Variants in PCDHGA1 observed in about 807,000 individuals in gnomAD.
PCDHGA1 encodes protocadherin gamma subfamily A, 1, also known as protocadherin gamma-A1.
A neutral mutation model predicts 58.0 loss-of-function variants in PCDHGA1; 32 were observed. That is an observed-to-expected ratio of 0.55 (90% CI 0.42 to 0.74). The LOEUF is 0.74. PCDHGA1 is among the 30% of genes least tolerant of loss of function. PCDHGA1 has a pLI of 0.00. For synonymous variants in PCDHGA1, 498 were observed against 501.1 expected (o/e 0.99, Z 0.08); for missense variants, 1,205 against 1,182.3 (o/e 1.02, Z -0.28).
rs768079276 is a variant in PCDHGA1, at chr5:141,490,997, G to A, written c.2422-3810G>A. On this transcript the variant is annotated intron_variant, in intron 1 of 3. Transcript: ENST00000517417. The surrounding 1 kb of genome is among the most constrained non-coding windows in gnomAD (Gnocchi z 5.4). ...CGTCTCCCTCGCTCTGCTCCTCCTG[G>A]CTCCTTGGTCACCAAGGTGACAGCC... 1.2e-6 allele frequency: 2 copies of A among 1,614,032 alleles called. No individual in the cohort carries two copies. Among genetic ancestry groups the A allele is most frequent in the Admixed American group, 1.7e-5 (1 of 60,030 alleles).
At chr5:141,333,192 GTTC>G (rs1232697346) in intron 1 of PCDHGA1, 87 bp downstream of exon 1, 1 of 1,582,332 alleles carries the variant, frequency 6.3e-7, no homozygotes. Flanking sequence ...GCTACAGATA[GTTC>G]TTCTAACCCA....
intron 1 of PCDHGA1, among the ~76,000 whole-genome samples, chr5:141,354,322 A>G (rs184699668): frequency 1.9e-4 from 29 of 152,340 alleles, no homozygotes; most frequent in African/African-American, 6.5e-4. Context: ...TTACTACTCT[A>G]TGAAAGGTAT....
intron 1 of PCDHGA1, among the ~76,000 whole-genome samples, chr5:141,387,227 A>C (rs1220813655): frequency 1.3e-5 from 2 of 152,230 alleles, no homozygotes; most frequent in Non-Finnish European, 2.9e-5. Flanking sequence ...AAGTTGAAAT[A>C]AATCAACTTG....
At chr5:141,409,013 G>T in intron 1 of PCDHGA1, 1 of 1,613,998 alleles carries the variant, frequency 6.2e-7, no homozygotes. Flanking sequence ...TGACCAGGAT[G>T]AGGGGGTCAA....
At chr5:141,379,313 A>G (rs1053297201) in intron 1 of PCDHGA1, 11 of 152,382 alleles carry the variant, frequency 7.2e-5, no homozygotes, top group Non-Finnish European at 1.5e-4. Flanking sequence ...CCTAAACAAG[A>G]GATCTAATCA....
rs1481429509 is a variant in PCDHGA1 at position 141,331,420 on chromosome 5, C to CA, written c.738dup (p.Tyr247IlefsTer22). 6.2e-7 allele frequency: 1 copy of CA among 1,614,050 alleles called. No individual in the cohort carries two copies. Among genetic ancestry groups the CA allele is most frequent in the Non-Finnish European group, 8.5e-7 (1 of 1,180,040 alleles). ...CAATCCTCCAGCATTTACTCAGGCA[C>CA]AATACCATATAAATGTCCCCGAAAA... On this transcript the variant is annotated frameshift_variant, in exon 1 of 4. Coordinates refer to ENST00000517417, the MANE Select transcript of PCDHGA1 (RefSeq NM_018912.3). LOFTEE classifies it high-confidence loss of function.
intron 1 of PCDHGA1, chr5:141,393,331 GC>G (rs3214276): frequency 0.09 from 144,732 of 1,613,856 alleles, 7,527 homozygotes; most frequent in African/African-American, 0.18. Flanking sequence ...TACCAGCTCA[GC>G]CCCAATCACC....
intron 1 of PCDHGA1, chr5:141,355,288 C>A (rs73265823): frequency 6.2e-7 from 1 of 1,613,718 alleles, no homozygotes; most frequent in African/African-American, 1.3e-5. Flanking sequence ...CAGGGCCGAA[C>A]AGATTCTCTA....
At chr5:141,418,800 GAT>G (rs777421725) in intron 1 of PCDHGA1, 1 of 1,613,800 alleles carries the variant, frequency 6.2e-7, no homozygotes, top group Non-Finnish European at 8.5e-7. Flanking sequence ...GAAGTAGAAA[GAT>G]ATACGATAAA....
intron 1 of PCDHGA1, among the ~76,000 whole-genome samples, chr5:141,336,730 AATG>A (rs1242083314): frequency 2.0e-5 from 3 of 152,348 alleles, no homozygotes; most frequent in African/African-American, 4.8e-5. Context: ...GATTTTTGGC[AATG>A]ATTTCTTGGA....
At chr5:141,503,133 C>A (rs1164077875) in intron 2 of PCDHGA1, among the ~76,000 whole-genome samples, 1 of 152,002 alleles carries the variant, frequency 6.6e-6, no homozygotes, top group Non-Finnish European at 1.5e-5. Context: ...CTGGTAGCCC[C>A]TGACACAGCC....
chr5:141,507,206 G>A (rs1392293998), intron 3 of PCDHGA1: 2 of 152,376 alleles, frequency 1.3e-5, no homozygotes, highest in African/African-American at 4.8e-5. Flanking sequence ...CCAGATCAGG[G>A]TTGCCAGATA....
intron 1 of PCDHGA1, chr5:141,360,718 A>G: frequency 6.2e-7 from 1 of 1,613,968 alleles, no homozygotes; most frequent in Non-Finnish European, 8.5e-7. Flanking sequence ...TCCTGAGTTG[A>G]TTCTAAAACA....
At chr5:141,360,660 C>G in intron 1 of PCDHGA1, 1 of 1,613,968 alleles carries the variant, frequency 6.2e-7, no homozygotes, top group Non-Finnish European at 8.5e-7. Context: ...TTAATGACAA[C>G]GAGTACTTTG....
intron 1 of PCDHGA1, chr5:141,375,745 C>T (rs753247365): frequency 2.5e-6 from 4 of 1,614,238 alleles, no homozygotes; most frequent in Admixed American, 3.3e-5. Context: ...TTGTGCTGGA[C>T]CAGAATGACA....
chr5:141,420,042 A>T, intron 1 of PCDHGA1: 2 of 1,614,048 alleles, frequency 1.2e-6, no homozygotes, highest in Non-Finnish European at 8.5e-7. Context: ...GACTGCTTTG[A>T]GTCAGTTCTC....
rs749781059 is a variant in PCDHGA1 at position 141,477,983 on chromosome 5, C to G, written c.2422-16824C>G. On this transcript the variant is annotated intron_variant, in intron 1 of 3. Coordinates refer to ENST00000517417, the MANE Select transcript of PCDHGA1 (RefSeq NM_018912.3). This position sits in a 1 kb window ranked among gnomAD's most constrained non-coding sequence, Gnocchi z 4.9. ...TAACCAGAGCCTTTTTGCCATAGGG[C>G]TGCACACTGGTCAAATCAGTACTGC... The G allele has an allele frequency of 1.7e-5, 27 of 1,614,126 alleles. No homozygotes were observed. The highest frequency in any genetic ancestry group is 2.3e-5 in the Non-Finnish European group (27 of 1,180,024).
intron 1 of PCDHGA1, chr5:141,360,189 G>C: frequency 6.2e-7 from 1 of 1,611,554 alleles, no homozygotes; most frequent in Non-Finnish European, 8.5e-7. Flanking sequence ...AGGTACTGTT[G>C]CCCTTCCTGT....
At position 141,423,686 on chromosome 5, in the gene PCDHGA1, A is replaced by T. The variant is rs752078243; in HGVS notation, c.2422-71121A>T. 10 of 1,328,296 alleles carry T rather than the reference A, an allele frequency of 7.5e-6. No homozygotes were observed. The East Asian group carries it at 3.6e-4, about 47-fold the overall frequency. The allele number at this position is 1,328,296 out of a possible 1,614,324, so 82.3% of individuals were successfully genotyped here. The stretch of plus-strand genomic sequence containing the variant: ...GTGAGATTTATTTCTCTGCCTCCTA[A>T]TTGTTGGTGTCTTGGCACAAGTCTT... On this transcript the variant is annotated intron_variant, in intron 1 of 3. Transcript: ENST00000517417.
Sources: gnomAD v4.1 joint callset for allele counts (sites outside exome capture counted in the v4.1 genomes callset) on GRCh38, gnomAD v4.1.1 for gene constraint, Gnocchi (gnomAD v3.1) non-coding constraint, MANE v1.5 for transcripts, NCBI Gene and HGNC (gene_info 2026-07-23, HGNC 2026-07-21) for gene names.